The following TRPC4AP variants were observed in gnomAD, a reference collection of about 807,000 sequenced individuals.
TRPC4AP encodes the protein short transient receptor potential channel 4-associated protein.
Under a neutral mutation model 99.0 loss-of-function variants are expected in TRPC4AP, and 45 were observed. The observed-to-expected ratio is 0.45, with a 90% CI of 0.36 to 0.58. The LOEUF is 0.58. TRPC4AP is among the 20% of genes least tolerant of loss of function. The probability of loss-of-function intolerance (pLI) is 0.00; values close to 1 mark genes in which losing one functional copy is unlikely to be tolerated. For missense variants in TRPC4AP, 879 were observed against 985.3 expected, an observed-to-expected ratio of 0.89 and a Z score of 1.44; for synonymous variants, 408 against 385.8, an observed-to-expected ratio of 1.06 and a Z score of -0.67.
At chr20:35,013,180 T>G (rs555963966) in intron 10 of TRPC4AP, 114 bp from the exon 11 acceptor site, 2 of 927,212 alleles carry the variant, frequency 2.2e-6, no homozygotes, top group Non-Finnish European at 3.4e-6. Flanking sequence ...TCATGTACCA[T>G]GAGGACTTTT....
intron 2 of TRPC4AP, among the ~76,000 whole-genome samples, chr20:35,070,267 T>C (rs968736780): frequency 1.3e-5 from 2 of 152,146 alleles, no homozygotes; most frequent in Non-Finnish European, 2.9e-5. Flanking sequence ...TCTGTAGCAA[T>C]AACCAAGTCA....
At chr20:35,083,118 A>C (rs995489598) in intron 1 of TRPC4AP, among the ~76,000 whole-genome samples, 1 of 152,196 alleles carries the variant, frequency 6.6e-6, no homozygotes, top group Non-Finnish European at 1.5e-5. Flanking sequence ...ATACAATCCA[A>C]AAGAACCTAA....
At chr20:35,007,154 G>A (rs191264415) in intron 14 of TRPC4AP, among the ~76,000 whole-genome samples, 16 of 152,222 alleles carry the variant, frequency 1.1e-4, no homozygotes, top group African/African-American at 3.9e-4. Flanking sequence ...TTTATAATTC[G>A]TGGGTCAGTT....
At chr20:35,045,856 G>A (rs1358854) in intron 6 of TRPC4AP, among the ~76,000 whole-genome samples, 89,210 of 151,700 alleles carry the variant, frequency 0.59, 27,176 homozygotes, top group Middle Eastern at 0.75. Flanking sequence ...TTATTTTTAT[G>A]GAGACAGGGT....
intron 1 of TRPC4AP, among the ~76,000 whole-genome samples, chr20:35,080,803 A>AGTTTT (rs11471950): frequency 0.31 from 27,186 of 86,866 alleles, 2,547 homozygotes; most frequent in Middle Eastern, 0.45. Flanking sequence ...TGTACACTTC[A>AGTTTT]GTTTTTTTTT....
chr20:35,065,989 C>G (rs1055315582), intron 3 of TRPC4AP, among the ~76,000 whole-genome samples: 6 of 152,146 alleles, frequency 3.9e-5, no homozygotes, highest in African/African-American at 1.4e-4. Flanking sequence ...AGAAGAAAGG[C>G]TGTGGCTGAT....
At chr20:35,038,391 G>A (rs963230494) in intron 7 of TRPC4AP, among the ~76,000 whole-genome samples, 7 of 151,950 alleles carry the variant, frequency 4.6e-5, no homozygotes, top group African/African-American at 1.7e-4. Context: ...TTTCTTTGGA[G>A]GGTTAATTTG....
intron 6 of TRPC4AP, 92 bp from the exon 7 acceptor site, chr20:35,044,804 T>A: frequency 8.3e-7 from 1 of 1,210,910 alleles, no homozygotes; most frequent in Non-Finnish European, 1.2e-6. Context: ...ATACGGGGCT[T>A]AGTGGCTAGA....
chr20:35,012,097 G>C (rs1292011941), intron 11 of TRPC4AP, among the ~76,000 whole-genome samples: 1 of 152,194 alleles, frequency 6.6e-6, no homozygotes, highest in Non-Finnish European at 1.5e-5. Context: ...AGGGAAAACA[G>C]CACAGTTCCA....
chr20:35,049,917 C>G lies in TRPC4AP; in HGVS notation c.606G>C (p.Lys202Asn). ...IFLFTLMTSK[K>N]TFLQTATLIE... ...TGAGGGTTGCTGTTTGTAAGAATGT[C>G]TTCTTACTTGTCATCAATGTAAACA... Residue 202 changes from lysine (K) to asparagine (N), a missense_variant, in exon 6 of 19, where the codon AAG becomes AAC. Physicochemically the swap from Lys to Asn is moderately conservative, Grantham distance 94. Transcript: ENST00000252015. 1 of 1,613,982 alleles carries G rather than the reference C, an allele frequency of 6.2e-7. No homozygotes were observed. Among genetic ancestry groups the G allele is most frequent in the South Asian group, 1.1e-5 (1 of 91,056 alleles).
chr20:35,091,676 G>A (rs1288666124), intron 1 of TRPC4AP, among the ~76,000 whole-genome samples: 1 of 152,094 alleles, frequency 6.6e-6, no homozygotes, highest in African/African-American at 2.4e-5. Flanking sequence ...ATTCAACCTG[G>A]TTTACCCTAA....
At chr20:35,019,941 A>C (rs1364317030) in intron 9 of TRPC4AP, among the ~76,000 whole-genome samples, 1 of 152,060 alleles carries the variant, frequency 6.6e-6, no homozygotes. Flanking sequence ...CTTGTACAAA[A>C]CACAACTCCC....
intron 1 of TRPC4AP, among the ~76,000 whole-genome samples, chr20:35,079,238 T>C (rs1010077163): frequency 2.6e-5 from 4 of 152,182 alleles, no homozygotes; most frequent in African/African-American, 7.2e-5. Context: ...CCTTATCATA[T>C]ATGCACCTAA....
intron 1 of TRPC4AP, among the ~76,000 whole-genome samples, chr20:35,085,022 C>T (rs891535377): frequency 9.9e-5 from 15 of 151,974 alleles, no homozygotes; most frequent in Admixed American, 5.3e-4. Flanking sequence ...CTTTCAAGAG[C>T]GAAGAAAATA....
At chr20:35,073,494 T>G (rs1482640189) in intron 2 of TRPC4AP, among the ~76,000 whole-genome samples, 1 of 152,234 alleles carries the variant, frequency 6.6e-6, no homozygotes, top group Non-Finnish European at 1.5e-5. Context: ...TGAAGGGCTG[T>G]TGAATTTTGT....
chr20:35,051,143 A>G (rs2083690984), intron 5 of TRPC4AP, among the ~76,000 whole-genome samples: 1 of 151,916 alleles, frequency 6.6e-6, no homozygotes, highest in Non-Finnish European at 1.5e-5. Flanking sequence ...TTTAGCCTCT[A>G]AGCTGAAAAA....
chr20:35,044,161 T>C (rs1463680533), intron 7 of TRPC4AP, among the ~76,000 whole-genome samples: 2 of 151,234 alleles, frequency 1.3e-5, no homozygotes, highest in Non-Finnish European at 2.9e-5. Flanking sequence ...GAAGATGAGG[T>C]GGGTGGATCA....
chr20:35,088,655 T>G (rs2084954077), intron 1 of TRPC4AP, among the ~76,000 whole-genome samples: 1 of 152,192 alleles, frequency 6.6e-6, no homozygotes, highest in African/African-American at 2.4e-5. Flanking sequence ...CATCACCTCT[T>G]TAGAAATAAG....
Position 35,003,028 on chromosome 20 carries a change from C to T in TRPC4AP, c.*118G>A. The T allele has an allele frequency of 6.9e-7, 1 of 1,450,530 alleles. No homozygotes were observed. The highest frequency in any genetic ancestry group is 9.4e-7 in the Non-Finnish European group (1 of 1,068,800). The allele number at this position is 1,450,530 out of a possible 1,614,324, so 89.9% of individuals were successfully genotyped here. On this transcript the variant is annotated 3_prime_UTR_variant, in exon 19 of 19. Transcript: ENST00000252015. ...GACTTCCCTCCCACCAAGCCTGTAC[C>T]CAAAGACCTGGGGCAGGCAGAGAGC...
Sources: allele counts gnomAD v4.1 joint callset (sites outside exome capture counted in the v4.1 genomes callset), GRCh38; gene constraint gnomAD v4.1.1; transcripts MANE v1.5; gene names NCBI Gene and HGNC (gene_info 2026-07-23, HGNC 2026-07-21).